FOXP2: variants seen among roughly 807,000 people sequenced by gnomAD.
FOXP2 encodes forkhead box protein P2.
FOXP2 carries 12 observed loss-of-function variants against 115.8 expected under a neutral mutation model. The observed-to-expected ratio is 0.10, with a 90% CI of 0.07 to 0.17. The LOEUF is 0.17. FOXP2 is among the 10% of genes least tolerant of loss of function. The pLI is 1.00. For synonymous variants in FOXP2, 328 were observed against 297.7 expected, an observed-to-expected ratio of 1.10 and a Z score of -1.05; for missense variants, 629 against 843.5, an observed-to-expected ratio of 0.75 and a Z score of 3.15.
At chr7:114,556,586 T>G (rs191860895) in intron 3 of FOXP2, among the ~76,000 whole-genome samples, 1 of 152,368 alleles carries the variant, frequency 6.6e-6, no homozygotes, top group Non-Finnish European at 1.5e-5. Flanking sequence ...CAGTGAATCT[T>G]CATGCTTCAT....
At position 114,414,858 on chromosome 7, in the gene FOXP2, T is replaced by A; in HGVS notation, c.-513T>A. ...CGAGGACTTGAGAGACTCAAACTGG[T>A]GCTTTTGTCTCTCTCTCTCTGTCTT... On this transcript the variant is annotated 5_prime_UTR_variant, in exon 1 of 17. Coordinates refer to ENST00000350908, the MANE Select transcript of FOXP2 (RefSeq NM_014491.4). The A allele has an allele frequency of 3.0e-6, 1 of 338,290 alleles. No individual in the cohort carries two copies. Among genetic ancestry groups the A allele is most frequent in the Non-Finnish European group, 5.8e-6 (1 of 171,612 alleles). The allele number at this position is 338,290 out of a possible 1,614,324, so 21.0% of individuals were successfully genotyped here.
intron 3 of FOXP2, among the ~76,000 whole-genome samples, chr7:114,590,805 C>G (rs545303199): frequency 6.6e-6 from 1 of 151,996 alleles, no homozygotes; most frequent in Non-Finnish European, 1.5e-5. Flanking sequence ...TCTTGGCTTG[C>G]AGGATATGAT....
At position 114,248,180 on chromosome 7, in the gene FOXP2, C is replaced by CAGAGAGAGAGAG. The variant is rs71314647; in HGVS notation, c.-101-39817_-101-39806dup. On this transcript the variant is annotated intron_variant, in intron 1 of 17. Coordinates refer to the FOXP2 transcript ENST00000634411. ...GAAGACCAGTGTCCCAGCTTAAAAACAGAGAGAGAGAGAGAGAGAGAGAGA... is the reference window on the plus strand; with the variant it reads ...GAAGACCAGTGTCCCAGCTTAAAAACAGAGAGAGAGAGAGAGAGAGAGAGAGAGAGAGAGAGA... Among the ~76,000 whole-genome samples the CAGAGAGAGAGAG allele has an allele frequency of 2.0e-3, 292 of 146,056 alleles. 1 individual carries two copies. Among genetic ancestry groups the CAGAGAGAGAGAG allele is most frequent in the Middle Eastern group, 0.011 (3 of 282 alleles).
chr7:114,306,929 G>T (rs1797028494), intron 2 of FOXP2, among the ~76,000 whole-genome samples: 1 of 152,022 alleles, frequency 6.6e-6, no homozygotes, highest in Non-Finnish European at 1.5e-5. Context: ...TCCACATTTA[G>T]GTCTCTTGTG....
intron 3 of FOXP2, among the ~76,000 whole-genome samples, chr7:114,612,162 C>T (rs2129318591): frequency 6.6e-6 from 1 of 151,896 alleles, no homozygotes; most frequent in South Asian, 2.1e-4. Context: ...GACACTGGCC[C>T]CTTAGGAACT....
chr7:114,553,917 A>G (rs1432231213), intron 3 of FOXP2, among the ~76,000 whole-genome samples: 1 of 152,108 alleles, frequency 6.6e-6, no homozygotes, highest in African/African-American at 2.4e-5. Flanking sequence ...TGGATTTGCT[A>G]TTGATCATCT....
intron 2 of FOXP2, among the ~76,000 whole-genome samples, chr7:114,374,684 C>A (rs886636476): frequency 6.6e-6 from 1 of 152,108 alleles, no homozygotes; most frequent in Non-Finnish European, 1.5e-5. Flanking sequence ...TATTGTTTAT[C>A]CCCCCCTACT....
At chr7:114,413,330 G>A (rs117924790), upstream of FOXP2, among the ~76,000 whole-genome samples, 562 of 152,046 alleles carry the variant, frequency 3.7e-3, 3 homozygotes, top group East Asian at 0.019. Flanking sequence ...TTGAATATTC[G>A]CAGTTGTTTA....
chr7:114,195,573 G>A (rs1356749595), intron 1 of FOXP2, among the ~76,000 whole-genome samples: 1 of 152,078 alleles, frequency 6.6e-6, no homozygotes, highest in Admixed American at 6.6e-5. Flanking sequence ...TTATTGAACA[G>A]TTACTGAAGC....
chr7:114,584,230 A>G (rs1473682728), intron 3 of FOXP2, among the ~76,000 whole-genome samples: 2 of 152,028 alleles, frequency 1.3e-5, no homozygotes, highest in Non-Finnish European at 2.9e-5. Flanking sequence ...TTATTACTCC[A>G]CTACAAACAT....
chr7:114,671,707 G>T (rs1314693923), intron 16 of FOXP2, among the ~76,000 whole-genome samples: 2 of 152,234 alleles, frequency 1.3e-5, no homozygotes, highest in South Asian at 4.2e-4. Flanking sequence ...CTTATGTACT[G>T]CTATGGTATT....
chr7:114,239,862 A>G (rs1042239387), intron 1 of FOXP2, among the ~76,000 whole-genome samples: 6 of 152,176 alleles, frequency 3.9e-5, no homozygotes, highest in Admixed American at 1.3e-4. Flanking sequence ...ATGCACACAC[A>G]CACACAAATG....
chr7:114,692,703 AATGGCTC>A lies in FOXP2; in HGVS notation c.*2781_*2787del. 1 of 445,410 alleles carries A rather than the reference AATGGCTC, an allele frequency of 2.2e-6. No individual in the cohort carries two copies. The highest frequency in any genetic ancestry group is 1.6e-5 in the South Asian group (1 of 62,232). 27.6% of individuals were successfully genotyped at this position (445,410 alleles called of 1,614,324 possible). ...ATAAAGCATAATGTCTGACAATTTA[AATGGCTC>A]ATGTATTCTTGCTTCTATCATAAGC... is the stretch of plus-strand genomic sequence containing the variant. On this transcript the variant is annotated 3_prime_UTR_variant, in exon 17 of 17. Transcript: ENST00000350908.
At chr7:114,538,217 A>T in intron 3 of FOXP2, 2 of 746,342 alleles carry the variant, frequency 2.7e-6, no homozygotes, top group Non-Finnish European at 4.1e-6. Flanking sequence ...CTGTAAATTT[A>T]AAAAAATTTT....
At chr7:114,163,206 G>A (rs1792887106) in intron 1 of FOXP2, 1 of 152,018 alleles carries the variant, frequency 6.6e-6, no homozygotes, top group South Asian at 2.1e-4. Flanking sequence ...AAATATGCAG[G>A]TGTTTTGGTT....
At chr7:114,407,367 G>A (rs1042230974) in intron 2 of FOXP2, among the ~76,000 whole-genome samples, 6 of 151,634 alleles carry the variant, frequency 4.0e-5, no homozygotes, top group African/African-American at 9.7e-5. Flanking sequence ...AAATAGCAAC[G>A]CATTTCCTAT....
chr7:114,633,681 T>A (rs1436904236), intron 6 of FOXP2, among the ~76,000 whole-genome samples: 1 of 152,168 alleles, frequency 6.6e-6, no homozygotes, highest in African/African-American at 2.4e-5. Flanking sequence ...GTGAAAAATA[T>A]CATTGTGGAG....
chr7:114,309,379 G>C (rs1215523152), intron 2 of FOXP2, among the ~76,000 whole-genome samples: 2 of 152,176 alleles, frequency 1.3e-5, no homozygotes, highest in Non-Finnish European at 2.9e-5. Context: ...CAGTGCACCA[G>C]TTCATAGCAG....
chr7:114,296,547 T>C (rs1292417457), intron 2 of FOXP2, among the ~76,000 whole-genome samples: 2 of 151,958 alleles, frequency 1.3e-5, no homozygotes, highest in African/African-American at 2.4e-5. Flanking sequence ...ATAATTACAA[T>C]ATATGTGTTT....
Sources: gnomAD v4.1 joint callset for allele counts (sites outside exome capture counted in the v4.1 genomes callset) on GRCh38, gnomAD v4.1.1 for gene constraint, MANE v1.5 for transcripts, NCBI Gene and HGNC (gene_info 2026-07-23, HGNC 2026-07-21) for gene names.